Variants in MLH3 observed in about 807,000 individuals in gnomAD.
MLH3 encodes mutL homolog 3, also known as DNA mismatch repair protein Mlh3.
Under a neutral mutation model 122.2 loss-of-function variants are expected in MLH3, and 82 were observed. The ratio of observed to expected loss-of-function variants is 0.67; its 90% CI spans 0.56 to 0.81. MLH3 has a LOEUF of 0.81. Ranked by LOEUF, MLH3 falls within the 30% of genes least tolerant of loss-of-function variation. The probability of loss-of-function intolerance (pLI) is 0.00; values close to 1 mark genes in which losing one functional copy is unlikely to be tolerated. For missense variants in MLH3, 1,539 were observed against 1,714.5 expected (o/e 0.90, Z 1.81); for synonymous variants, 524 against 599.5 (o/e 0.87, Z 1.84).
At chr14:75,032,289 T>A in intron 7 of MLH3, 110 bp from the exon 8 acceptor site, 1 of 745,418 alleles carries the variant, frequency 1.3e-6, no homozygotes, top group Non-Finnish European at 2.4e-6. Flanking sequence ...GCAGAATGTT[T>A]AATGTTCAGT....
intron 11 of MLH3, chr14:75,019,219 G>A: frequency 2.2e-6 from 1 of 458,104 alleles, no homozygotes. Flanking sequence ...AGACCAGCCT[G>A]GCCAATATGG....
intron 11 of MLH3, among the ~76,000 whole-genome samples, chr14:75,020,145 T>G (rs1040696344): frequency 6.6e-6 from 1 of 152,118 alleles, no homozygotes; most frequent in Non-Finnish European, 1.5e-5. Flanking sequence ...CTGACAAATG[T>G]TTAGCACACA....
rs967944225 is a variant in MLH3, at chr14:75,042,030, C to T, written c.3380-330G>A. 1.1e-3 allele frequency among the ~76,000 whole-genome samples: 166 copies of T among 152,304 alleles called. 1 individual carries two copies. Among genetic ancestry groups the T allele is most frequent in the East Asian group, 3.9e-4 (2 of 5,194 alleles). Reference sequence around the variant, plus strand: ...TACCTTATCTATTTTTAAACATACACACAAAATTGATGTCTGTAGCTTTTT... The same window carrying T: ...TACCTTATCTATTTTTAAACATACATACAAAATTGATGTCTGTAGCTTTTT... On this transcript the variant is annotated intron_variant, in intron 3 of 12. Transcript: ENST00000355774.
In MLH3 at chr14:75,014,085, G is replaced by A. The variant is rs911819047; in HGVS notation, c.*2997C>T. 3.4e-5 allele frequency: 6 copies of A among 178,172 alleles called. No individual in the cohort carries two copies. The highest frequency in any genetic ancestry group is 6.3e-5 in the Admixed American group (1 of 15,852). 11.0% of individuals were successfully genotyped at this position (178,172 alleles called of 1,614,324 possible). ...ACTGTGCCATGACTGGCTCCCACCC[G>A]AAGCTTCAGCTGAGCTGGCTTGTCA... On this transcript the variant is annotated 3_prime_UTR_variant, in exon 13 of 13. Transcript: ENST00000355774.
chr14:75,031,633 G>A lies in MLH3; in HGVS notation c.3827+435C>T, dbSNP rs189798551. ...TTCAGACCAGCCTGGGTAACATGGC[G>A]AAAACCCATCTCTACCAAAAAATTA... is the stretch of plus-strand genomic sequence containing the variant. On this transcript the variant is annotated intron_variant, in intron 8 of 12. Transcript: ENST00000355774. 1.9e-3 allele frequency among the ~76,000 whole-genome samples: 294 copies of A among 152,252 alleles called. 2 individuals are homozygous for A. Among genetic ancestry groups the A allele is most frequent in the African/African-American group, 6.5e-3 (271 of 41,556 alleles).
chr14:75,049,136 T>G lies in MLH3; in HGVS notation c.520A>C (p.Arg174=). The change falls in exon 2 of 13, where the codon AGA becomes CGA. Residue 174 remains arginine, a synonymous_variant. Transcript: ENST00000355774. ...TGCATGAGTGAGAGAGCTTCTATTC[T>G]CTGCCTAACCTTCTCAAACTCCAGT... is the stretch of plus-strand genomic sequence containing the variant. ...PRLEFEKVRQ[R]IEALSLMHPS... The G allele has an allele frequency of 2.5e-6, 4 of 1,614,222 alleles. No individual in the cohort carries two copies. Among genetic ancestry groups the G allele is most frequent in the Non-Finnish European group, 3.4e-6 (4 of 1,180,036 alleles).
intron 9 of MLH3, among the ~76,000 whole-genome samples, chr14:75,028,280 T>C (rs175065): frequency 0.42 from 63,848 of 151,948 alleles, 13,792 homozygotes; most frequent in Middle Eastern, 0.52. Context: ...TTAAAAGTTT[T>C]CACTGGCTGC....
At chr14:75,026,234 A>C (rs902461160) in intron 9 of MLH3, among the ~76,000 whole-genome samples, 3 of 152,188 alleles carry the variant, frequency 2.0e-5, no homozygotes, top group Non-Finnish European at 1.5e-5. Flanking sequence ...GCTCCAAATC[A>C]AGAAAGCTAC....
rs1889883099 is a variant in MLH3, at chr14:75,016,292, T to C, written c.*790A>G. The stretch of plus-strand genomic sequence containing the variant: ...TGTATGCTGTGTTTTGATATGACAA[T>C]TGCTTTCACATAAAGAGATACTTTA... On this transcript the variant is annotated 3_prime_UTR_variant, in exon 13 of 13. Transcript: ENST00000355774. 5.0e-6 allele frequency: 1 copy of C among 199,558 alleles called. No individual in the cohort carries two copies. The highest frequency in any genetic ancestry group is 2.3e-5 in the African/African-American group (1 of 43,498). The allele number at this position is 199,558 out of a possible 1,614,324, so 12.4% of individuals were successfully genotyped here. A position where few individuals can be genotyped will look rare whatever the true frequency, so the allele number is the denominator to read the frequency against.
At position 75,014,959 on chromosome 14, in the gene MLH3, A is replaced by T. The variant is rs1042087146; in HGVS notation, c.*2123T>A. On this transcript the variant is annotated 3_prime_UTR_variant, in exon 13 of 13. Coordinates refer to ENST00000355774, the MANE Select transcript of MLH3 (RefSeq NM_001040108.2). Reference sequence around the variant, plus strand: ...CGAAGTTTTATTATACAAAGGTGACAACTAGGTTCCTAAGAGGAACCTTCG... The same window carrying T: ...CGAAGTTTTATTATACAAAGGTGACTACTAGGTTCCTAAGAGGAACCTTCG... 1.1e-4 allele frequency: 19 copies of T among 179,812 alleles called. No individual in the cohort carries two copies. Among genetic ancestry groups the T allele is most frequent in the Non-Finnish European group, 2.1e-4 (18 of 83,904 alleles). 11.1% of individuals were successfully genotyped at this position (179,812 alleles called of 1,614,324 possible).
chr14:75,040,960 T>C (rs901577710), intron 4 of MLH3, among the ~76,000 whole-genome samples: 1 of 152,188 alleles, frequency 6.6e-6, no homozygotes, highest in Non-Finnish European at 1.5e-5. Context: ...AATACATAAT[T>C]TGGAAATATG....
chr14:75,024,409 C>T (rs1026074609), intron 9 of MLH3, among the ~76,000 whole-genome samples: 1 of 152,204 alleles, frequency 6.6e-6, no homozygotes, highest in Non-Finnish European at 1.5e-5. Context: ...CCATGTTGGT[C>T]AGGCTGGTCT....
intron 4 of MLH3, among the ~76,000 whole-genome samples, chr14:75,040,755 G>A (rs1891798785): frequency 6.6e-6 from 1 of 152,118 alleles, no homozygotes; most frequent in Non-Finnish European, 1.5e-5. Context: ...AGTAGAAGAT[G>A]TGTGGCTTTA....
chr14:75,021,100 C>T (rs1312462800), intron 11 of MLH3, among the ~76,000 whole-genome samples: 3 of 152,260 alleles, frequency 2.0e-5, no homozygotes, highest in African/African-American at 7.2e-5. Context: ...TGGTCTCGAA[C>T]TCCTGACCTC....
At position 75,047,580 on chromosome 14, in the gene MLH3, T is replaced by C. The variant is rs1892338323; in HGVS notation, c.2076A>G (p.Thr692=). ...TACCTTCCTGAAAAGCAGAAAACATTGTATAAGTTGCTGTAGGTTCATTCT... is the reference window on the plus strand; with the variant it reads ...TACCTTCCTGAAAAGCAGAAAACATCGTATAAGTTGCTGTAGGTTCATTCT... The part of the protein sequence containing the change: ...GLENEPTATY[T]MFSAFQEGSK... Residue 692 remains threonine (T), a synonymous_variant, in exon 2 of 13, where the codon ACA becomes ACG. Transcript: ENST00000355774. The C allele has an allele frequency of 6.2e-7, 1 of 1,614,056 alleles. No individual in the cohort carries two copies. Among genetic ancestry groups the C allele is most frequent in the Non-Finnish European group, 8.5e-7 (1 of 1,180,018 alleles).
intron 3 of MLH3, among the ~76,000 whole-genome samples, chr14:75,041,979 T>C (rs577506467): frequency 1.3e-5 from 2 of 152,346 alleles, no homozygotes; most frequent in African/African-American, 4.8e-5. Flanking sequence ...CTCAAATTTA[T>C]AGCCTTACTG....
chr14:75,043,117 C>T (rs1481312932), intron 2 of MLH3, among the ~76,000 whole-genome samples: 2 of 152,106 alleles, frequency 1.3e-5, no homozygotes, highest in Non-Finnish European at 2.9e-5. Context: ...AAGGGTTCTA[C>T]GTTCTACTAG....
In MLH3 at chr14:75,046,574, C is replaced by G. The variant is rs1892241048; in HGVS notation, c.3082G>C (p.Ala1028Pro). 6.2e-7 allele frequency: 1 copy of G among 1,614,198 alleles called. No individual in the cohort carries two copies. Among genetic ancestry groups the G allele is most frequent in the Non-Finnish European group, 8.5e-7 (1 of 1,180,038 alleles). ...GICFQSEESK[A>P]RACSETEESN... ...TCTTCAGTTTCAGAACAAGCTCTTG[C>G]TTTAGATTCCTCACTCTGAAAACAA... The change falls in exon 2 of 13, where the codon GCA becomes CCA. Residue 1028 changes from alanine (A) to proline (P), a missense_variant. Physicochemically the swap from Ala to Pro is conservative, Grantham distance 27. Coordinates refer to ENST00000355774, the MANE Select transcript of MLH3 (RefSeq NM_001040108.2).
Position 75,049,724 on chromosome 14 carries a change from G to A in MLH3, c.-63-6C>T. On this transcript the variant is annotated splice_region_variant and splice_polypyrimidine_tract_variant and intron_variant, in intron 1 of 12. Coordinates refer to ENST00000355774, the MANE Select transcript of MLH3 (RefSeq NM_001040108.2). ...CTCTGACTGGAAATAATTGCCTATT[G>A]GAGAAAAAAACCACACACGCACATA... The A allele has an allele frequency of 6.6e-7, 1 of 1,503,966 alleles. No individual in the cohort carries two copies. Among genetic ancestry groups the A allele is most frequent in the South Asian group, 1.2e-5 (1 of 84,572 alleles). 93.2% of individuals were successfully genotyped at this position (1,503,966 alleles called of 1,614,324 possible). A position where few individuals can be genotyped will look rare whatever the true frequency, so the allele number is the denominator to read the frequency against.
Sources: allele counts gnomAD v4.1 joint callset (sites outside exome capture counted in the v4.1 genomes callset), GRCh38; gene constraint gnomAD v4.1.1; transcripts MANE v1.5; gene names NCBI Gene and HGNC (gene_info 2026-07-23, HGNC 2026-07-21).